KDR: variants seen among roughly 807,000 people sequenced by gnomAD.
KDR encodes vascular endothelial growth factor receptor 2.
In KDR, 43 loss-of-function variants were observed where a neutral mutation model predicts 160.9. That is an observed-to-expected ratio of 0.27 (90% CI 0.21 to 0.34). The LOEUF is 0.34. Among genes scored for constraint, KDR ranks in the 10% least tolerant of loss-of-function variants. The pLI, the probability that KDR is intolerant of heterozygous loss-of-function variation, is 1.00. For missense variants in KDR, 1,469 were observed against 1,666.4 expected (o/e 0.88, Z 2.06); for synonymous variants, 617 against 600.1 (o/e 1.03, Z -0.41).
At position 55,098,177 on chromosome 4, in the gene KDR, A is replaced by G; in HGVS notation, c.2469T>C (p.Asp823=). The part of the protein sequence containing the change: ...LDEHCERLPY[D]ASKWEFPRDR... ...CTCTGGGGAATTCCCATTTGCTGGC[A>G]TCATAAGGCAGTCGTTCACAATGTT... is the stretch of plus-strand genomic sequence containing the variant. Residue 823 remains aspartate, a synonymous_variant, in exon 17 of 30, where the codon GAT becomes GAC. Coordinates refer to ENST00000263923, the MANE Select transcript of KDR (RefSeq NM_002253.4). The G allele has an allele frequency of 6.2e-7, 1 of 1,614,020 alleles. No individual in the cohort carries two copies. The highest frequency in any genetic ancestry group is 8.5e-7 in the Non-Finnish European group (1 of 1,179,900).
At chr4:55,109,255 A>G (rs1039967692) in intron 9 of KDR, among the ~76,000 whole-genome samples, 7 of 151,866 alleles carry the variant, frequency 4.6e-5, no homozygotes, top group Admixed American at 3.9e-4. Context: ...GCTAATTTTT[A>G]TATTTTTAGT....
At chr4:55,107,640 TG>T in intron 10 of KDR, 96 bp downstream of exon 10, 1 of 1,516,298 alleles carries the variant, frequency 6.6e-7, no homozygotes, top group South Asian at 1.1e-5. Context: ...AAACTTTTTT[TG>T]GTTTAGGCTT....
chr4:55,082,698 A>C, intron 27 of KDR, 63 bp from the exon 28 acceptor site: 1 of 1,222,104 alleles, frequency 8.2e-7, no homozygotes, highest in Non-Finnish European at 1.2e-6. Context: ...CGGCTACCTA[A>C]GTTCATTATC....
Position 55,106,703 on chromosome 4 carries a change from A to T in KDR, c.1520T>A (p.Ile507Asn), listed in dbSNP as rs760403550. Residue 507 changes from isoleucine (I) to asparagine (N), a missense_variant, in exon 11 of 30, where the codon ATT becomes AAT. Physicochemically the swap from Ile to Asn is moderately radical, Grantham distance 149 (BLOSUM62 -3). This residue lies in a region of KDR where 792 missense variants were observed against 840.9 expected (regional missense o/e 0.94). Transcript: ENST00000263923. Reference sequence around the variant, plus strand: ...CAAACTCACTTTGTTTTTTCCTTCAATTAGAGCAAATTGATTTTTATTAAC... The same window carrying T: ...CAAACTCACTTTGTTTTTTCCTTCATTTAGAGCAAATTGATTTTTATTAAC... Reference protein sequence around the residue: ...IEVNKNQFALIEGKNKTVSTL... With the variant: ...IEVNKNQFALNEGKNKTVSTL... 9.5e-6 allele frequency: 15 copies of T among 1,575,768 alleles called. No homozygotes were observed. In the African/African-American group the frequency reaches 2.0e-4, roughly 21 times the overall value.
chr4:55,097,120 C>T (rs1414846093), intron 18 of KDR, among the ~76,000 whole-genome samples: 3 of 152,072 alleles, frequency 2.0e-5, no homozygotes, highest in Admixed American at 6.6e-5. Context: ...ACCAGAATTC[C>T]GTTACTATTA....
In KDR at chr4:55,106,699, T is replaced by G; in HGVS notation, c.1524A>C (p.Glu508Asp). 1 of 1,571,682 alleles carries G rather than the reference T, an allele frequency of 6.4e-7. No individual in the cohort carries two copies. Among genetic ancestry groups the G allele is most frequent in the Non-Finnish European group, 8.8e-7 (1 of 1,141,566 alleles). Residue 508 changes from glutamate to aspartate, a missense_variant, in exon 11 of 30, where the codon GAA becomes GAC. Coordinates refer to ENST00000263923, the MANE Select transcript of KDR (RefSeq NM_002253.4). Reference protein sequence around the residue: ...EVNKNQFALIEGKNKTVSTLV... With the variant: ...EVNKNQFALIDGKNKTVSTLV... ...ACTTCAAACTCACTTTGTTTTTTCC[T>G]TCAATTAGAGCAAATTGATTTTTAT...
intron 11 of KDR, among the ~76,000 whole-genome samples, 180 bp from the exon 12 acceptor site, chr4:55,106,120 G>A (rs1720440430): frequency 6.6e-6 from 1 of 152,048 alleles, no homozygotes; most frequent in Non-Finnish European, 1.5e-5. Context: ...AAAACGCTTG[G>A]GACCAAAAGT....
At chr4:55,124,659 G>C (rs569687042) in intron 1 of KDR, among the ~76,000 whole-genome samples, 24 of 149,536 alleles carry the variant, frequency 1.6e-4, no homozygotes, top group African/African-American at 5.9e-4. Context: ...CCTGCACCAA[G>C]GAAGGAAAAA....
At chr4:55,108,166 G>C (rs1166505444) in intron 9 of KDR, among the ~76,000 whole-genome samples, 1 of 146,708 alleles carries the variant, frequency 6.8e-6, no homozygotes, top group Non-Finnish European at 1.5e-5. Flanking sequence ...ATCAAGACCA[G>C]CCTGGGCCAC....
intron 9 of KDR, among the ~76,000 whole-genome samples, chr4:55,109,168 C>T: frequency 6.6e-6 from 1 of 151,944 alleles, no homozygotes; most frequent in Non-Finnish European, 1.5e-5. Flanking sequence ...CTGCAACCTC[C>T]ACCTCCTGGG....
chr4:55,120,009 T>C (rs1012992956), intron 2 of KDR, among the ~76,000 whole-genome samples: 2 of 152,160 alleles, frequency 1.3e-5, no homozygotes, highest in Non-Finnish European at 2.9e-5. Flanking sequence ...GAGCATGGGA[T>C]CCTTGGGGAT....
chr4:55,120,780 A>G (rs1396017761), intron 2 of KDR, among the ~76,000 whole-genome samples: 1 of 152,086 alleles, frequency 6.6e-6, no homozygotes, highest in Non-Finnish European at 1.5e-5. Context: ...ATATTTATTG[A>G]GCGTATGTCT....
chr4:55,079,813 G>A lies in KDR; in HGVS notation c.*128C>T. 1 of 847,686 alleles carries A rather than the reference G, an allele frequency of 1.2e-6. No homozygotes were observed. The highest frequency in any genetic ancestry group is 2.0e-6 in the Non-Finnish European group (1 of 497,350). 52.5% of individuals were successfully genotyped at this position (847,686 alleles called of 1,614,324 possible). Reference sequence around the variant, plus strand: ...GAAGACTGGCTCCCTGCAGTCCGAGGTCCTTTTTCTGTTGTCGAAATGAAA... The same window carrying A: ...GAAGACTGGCTCCCTGCAGTCCGAGATCCTTTTTCTGTTGTCGAAATGAAA... On this transcript the variant is annotated 3_prime_UTR_variant, in exon 30 of 30. Transcript: ENST00000263923.
intron 3 of KDR, among the ~76,000 whole-genome samples, chr4:55,117,925 G>A (rs1720774059): frequency 6.6e-6 from 1 of 152,064 alleles, no homozygotes; most frequent in Non-Finnish European, 1.5e-5. Context: ...TATAAATGCA[G>A]AATATGTGTG....
Position 55,104,899 on chromosome 4 carries a change from C to T in KDR, c.1731G>A (p.Thr577=), listed in dbSNP as rs373281206. The part of the protein sequence containing the change: ...VSLWCTADRS[T]FENLTWYKLG... The stretch of plus-strand genomic sequence containing the variant: ...GCTTGTACCATGTGAGGTTCTCAAA[C>T]GTAGATCTGTCTGCAGTGCACCACA... Residue 577 remains threonine (T), a synonymous_variant, in exon 13 of 30, where the codon ACG becomes ACA. Transcript: ENST00000263923. The T allele has an allele frequency of 9.3e-6, 15 of 1,613,810 alleles. No homozygotes were observed. Among genetic ancestry groups the T allele is most frequent in the East Asian group, 4.5e-5 (2 of 44,880 alleles).
intron 2 of KDR, among the ~76,000 whole-genome samples, chr4:55,119,588 A>G (rs924321388): frequency 1.3e-5 from 2 of 152,234 alleles, no homozygotes; most frequent in Admixed American, 6.5e-5. Context: ...CCATAGGAAC[A>G]TCATGAAGAG....
At position 55,078,725 on chromosome 4, in the gene KDR, T is replaced by G. The variant is rs879060363; in HGVS notation, c.*1216A>C. 1 of 232,668 alleles carries G rather than the reference T, an allele frequency of 4.3e-6. No individual in the cohort carries two copies. The highest frequency in any genetic ancestry group is 5.6e-5 in the Admixed American group (1 of 17,774). The allele number at this position is 232,668 out of a possible 1,614,324, so 14.4% of individuals were successfully genotyped here. A position where few individuals can be genotyped will look rare whatever the true frequency, so the allele number is the denominator to read the frequency against. On this transcript the variant is annotated 3_prime_UTR_variant, in exon 30 of 30. Transcript: ENST00000263923. Reference sequence around the variant, plus strand: ...CAAACAAAAAACACATTTTCTTTTTTGAAAAAAAGGACAGAACAAGGGCAA... The same window carrying G: ...CAAACAAAAAACACATTTTCTTTTTGGAAAAAAAGGACAGAACAAGGGCAA...
intron 22 of KDR, among the ~76,000 whole-genome samples, chr4:55,091,723 T>C (rs1720023545): frequency 6.6e-6 from 1 of 152,256 alleles, no homozygotes; most frequent in Non-Finnish European, 1.5e-5. Context: ...TAAGTCTTTC[T>C]TTCTTCATTA....
intron 17 of KDR, 54 bp downstream of exon 17, chr4:55,098,083 G>C (rs1720206218): frequency 6.2e-7 from 1 of 1,600,566 alleles, no homozygotes; most frequent in Non-Finnish European, 8.6e-7. Flanking sequence ...TTCTAATGGA[G>C]GAAGAGATGG....
Sources: gnomAD v4.1 joint callset for allele counts (sites outside exome capture counted in the v4.1 genomes callset) on GRCh38, gnomAD v4.1.1 for gene constraint, gnomAD v4.1.1 regional missense constraint, MANE v1.5 for transcripts, NCBI Gene and HGNC (gene_info 2026-07-23, HGNC 2026-07-21) for gene names.